The following CHD5 variants were observed in gnomAD, a reference collection of about 807,000 sequenced individuals.
CHD5 encodes the protein ATP-dependent chromatin remodeler CHD5.
In CHD5, 69 loss-of-function variants were observed where a neutral mutation model predicts 230.3. The ratio of observed to expected loss-of-function variants is 0.30; its 90% CI spans 0.25 to 0.37. The LOEUF (loss-of-function observed/expected upper bound fraction) is 0.37, where lower values mean the gene tolerates loss of function less well. Ranked by LOEUF, CHD5 falls within the 10% of genes least tolerant of loss-of-function variation. The pLI is 1.00. For missense variants in CHD5, 1,827 were observed against 2,622.8 expected, an observed-to-expected ratio of 0.70 and a Z score of 6.63; for synonymous variants, 1,064 against 1,065.9, an observed-to-expected ratio of 1.00 and a Z score of 0.03.
In CHD5 at chr1:6,124,697, G is replaced by A. The variant is rs909159353; in HGVS notation, c.4395-36C>T. ...GGGGGGGGACTGGGGCTCAGGGAGT[G>A]GGGGGCCGGCAAGAACCCTCTGAGA... On this transcript the variant is annotated intron_variant, in intron 29 of 41. Coordinates refer to ENST00000262450, the MANE Select transcript of CHD5 (RefSeq NM_015557.3). The A allele has an allele frequency of 3.3e-5, 42 of 1,264,250 alleles. No homozygotes were observed. The Admixed American group carries it at 3.7e-4, about 11-fold the overall frequency. 78.3% of individuals were successfully genotyped at this position (1,264,250 alleles called of 1,614,324 possible). A position where few individuals can be genotyped will look rare whatever the true frequency, so the allele number is the denominator to read the frequency against.
chr1:6,127,986 G>A, intron 25 of CHD5, 60 bp downstream of exon 25: 1 of 1,370,610 alleles, frequency 7.3e-7, no homozygotes, highest in Non-Finnish European at 9.7e-7. Context: ...GGACACAGTG[G>A]GGGGCGGGGC....
intron 36 of CHD5, 73 bp from the exon 37 acceptor site, chr1:6,110,599 A>C: frequency 3.6e-5 from 14 of 389,036 alleles, no homozygotes; most frequent in East Asian, 1.3e-4. Context: ...CAGCTCAGGG[A>C]GGGGGAGGGG....
intron 6 of CHD5, 146 bp from the exon 7 acceptor site, chr1:6,151,301 A>G: frequency 1.1e-6 from 1 of 934,646 alleles, no homozygotes; most frequent in African/African-American, 1.7e-5. Context: ...AACACAGCTG[A>G]AAACCTCACA....
At chr1:6,127,627 T>G (rs1007202802) in intron 25 of CHD5, among the ~76,000 whole-genome samples, 2 of 151,990 alleles carry the variant, frequency 1.3e-5, no homozygotes, top group Non-Finnish European at 2.9e-5. Flanking sequence ...CAGGGCTCTG[T>G]GCAACGGGGT....
In CHD5 at chr1:6,124,623, G is replaced by A. The variant is rs1197654187; in HGVS notation, c.4433C>T (p.Pro1478Leu). The A allele has an allele frequency of 2.2e-6, 3 of 1,392,152 alleles. No individual in the cohort carries two copies. Among genetic ancestry groups the A allele is most frequent in the Non-Finnish European group, 2.9e-6 (3 of 1,044,434 alleles). 86.2% of individuals were successfully genotyped at this position (1,392,152 alleles called of 1,614,324 possible). A position where few individuals can be genotyped will look rare whatever the true frequency, so the allele number is the denominator to read the frequency against. The change falls in exon 30 of 42, where the codon CCG (proline) becomes CTG (leucine). Residue 1478 changes from proline to leucine, a missense_variant. Around this residue, in one of 14 missense-constraint regions of CHD5, gnomAD observed 108 missense variants for 152.4 expected, o/e 0.71. Coordinates refer to ENST00000262450, the MANE Select transcript of CHD5 (RefSeq NM_015557.3). The stretch of plus-strand genomic sequence containing the variant: ...GAAGGTCTCTGCACCATCCGCCCCC[G>A]GCTCACACAGGTGCCGCATGAAGAG... ...VSLFMRHLCE[P>L]GADGAETFAD...
chr1:6,143,765 T>C lies in CHD5; in HGVS notation c.2043+58A>G. 12 of 1,465,192 alleles carry C rather than the reference T, an allele frequency of 8.2e-6. No individual in the cohort carries two copies. The Admixed American group carries it at 2.0e-4, about 25-fold the overall frequency. 90.8% of individuals were successfully genotyped at this position (1,465,192 alleles called of 1,614,324 possible). On this transcript the variant is annotated intron_variant, in intron 13 of 41. Transcript: ENST00000262450. Reference sequence around the variant, plus strand: ...AACACACACCCCCTGCACATTCAAGTCTGAGGTGGGCAGGCCCTGGCAACC... The same window carrying C: ...AACACACACCCCCTGCACATTCAAGCCTGAGGTGGGCAGGCCCTGGCAACC...
At position 6,126,944 on chromosome 1, in the gene CHD5, A is replaced by G; in HGVS notation, c.3904-198T>C. On this transcript the variant is annotated intron_variant, in intron 25 of 41. Transcript: ENST00000262450. The surrounding 1 kb of genome is among the most constrained non-coding windows in gnomAD (Gnocchi z 5.7). ...TCTCCCTGCCCCTATCCAGTCAATC[A>G]TTTACTTATTCATCCATCCATTCAC... The G allele has an allele frequency of 1.7e-6, 1 of 591,504 alleles. No individual in the cohort carries two copies. Among genetic ancestry groups the G allele is most frequent in the Middle Eastern group, 4.4e-4 (1 of 2,272 alleles). 36.6% of individuals were successfully genotyped at this position (591,504 alleles called of 1,614,324 possible). A position where few individuals can be genotyped will look rare whatever the true frequency, so the allele number is the denominator to read the frequency against.
In CHD5 at chr1:6,131,524, G is replaced by A. The variant is rs1336754138; in HGVS notation, c.3262+107C>T. On this transcript the variant is annotated intron_variant, in intron 21 of 41. Coordinates refer to ENST00000262450, the MANE Select transcript of CHD5 (RefSeq NM_015557.3). This position sits in a 1 kb window ranked among gnomAD's most constrained non-coding sequence, Gnocchi z 5.0. ...TGGCCTGCTGTCTTTAGCTGTTTGT[G>A]AGGCTGCTCAACACAACACCAGCTG... 2 of 671,904 alleles carry A rather than the reference G, an allele frequency of 3.0e-6. No homozygotes were observed. Among genetic ancestry groups the A allele is most frequent in the Non-Finnish European group, 5.4e-6 (2 of 368,738 alleles). The allele number at this position is 671,904 out of a possible 1,614,324, so 41.6% of individuals were successfully genotyped here.
Position 6,128,633 on chromosome 1 carries a change from C to T in CHD5, c.3620-24G>A, listed in dbSNP as rs1666602492. On this transcript the variant is annotated intron_variant, in intron 23 of 41. Coordinates refer to ENST00000262450, the MANE Select transcript of CHD5 (RefSeq NM_015557.3). The surrounding 1 kb of genome is among the most constrained non-coding windows in gnomAD (Gnocchi z 7.8). ...GCCTGTCAGACAGAGAAGGAAAGCACTGGTGCAGGACCACAGAGGGCTGCA... is the reference window on the plus strand; with the variant it reads ...GCCTGTCAGACAGAGAAGGAAAGCATTGGTGCAGGACCACAGAGGGCTGCA... 3.2e-6 allele frequency: 5 copies of T among 1,582,708 alleles called. No individual in the cohort carries two copies. The African/African-American group carries it at 5.4e-5, about 17-fold the overall frequency.
rs1434010229 is a variant in CHD5, at chr1:6,126,749, G to A, written c.3904-3C>T. 9 of 1,612,578 alleles carry A rather than the reference G, an allele frequency of 5.6e-6. No individual in the cohort carries two copies. The highest frequency in any genetic ancestry group is 7.6e-6 in the Non-Finnish European group (9 of 1,179,128). ...ATGATTTCCCGCTCCACCTCCTCCT[G>A]GGGACGCAGCACCACGGGTTCCATG... On this transcript the variant is annotated splice_region_variant and splice_polypyrimidine_tract_variant and intron_variant, in intron 25 of 41. Transcript: ENST00000262450. The surrounding 1 kb of genome is among the most constrained non-coding windows in gnomAD (Gnocchi z 5.7).
intron 1 of CHD5, among the ~76,000 whole-genome samples, chr1:6,176,468 G>T (rs763974398): frequency 2.0e-5 from 3 of 152,186 alleles, no homozygotes; most frequent in Non-Finnish European, 4.4e-5. Context: ...TAAGAGGGCT[G>T]AGAGCCACAT....
intron 34 of CHD5, 123 bp from the exon 35 acceptor site, chr1:6,112,400 C>T (rs1666306745): frequency 1.6e-6 from 2 of 1,231,124 alleles, no homozygotes; most frequent in Non-Finnish European, 2.3e-6. Context: ...CCTCAGGGGA[C>T]TCGCTGCCCA....
rs1467924521 is a variant in CHD5 at position 6,121,189 on chromosome 1, T to C, written c.4828A>G (p.Ser1610Gly). The change falls in exon 33 of 42, where the codon AGC becomes GGC. Residue 1610 changes from serine (S) to glycine (G), a missense_variant. This residue lies in a region of CHD5 where 272 missense variants were observed against 263.2 expected (regional missense o/e 1.03). Coordinates refer to ENST00000262450, the MANE Select transcript of CHD5 (RefSeq NM_015557.3). The surrounding 1 kb of genome is among the most constrained non-coding windows in gnomAD (Gnocchi z 4.5). ...DRVESEDKHE[S>G]PASKERAREE... ...CGGGCTCTCTCCTTGCTGGCTGGGC[T>C]CTCGTGCTTGTCCTCACTCTCCACT... The C allele has an allele frequency of 1.2e-6, 2 of 1,613,798 alleles. No homozygotes were observed. Among genetic ancestry groups the C allele is most frequent in the Admixed American group, 3.3e-5 (2 of 59,984 alleles).
Position 6,125,042 on chromosome 1 carries a change from A to G in CHD5, c.4394+58T>C. ...GCCCTCTGTGGGGCTCACCCGCAGGACCCTGCCCTACTCAGGGGCAGGTGG... is the reference window on the plus strand; with the variant it reads ...GCCCTCTGTGGGGCTCACCCGCAGGGCCCTGCCCTACTCAGGGGCAGGTGG... On this transcript the variant is annotated intron_variant, in intron 29 of 41. Transcript: ENST00000262450. This position sits in a 1 kb window ranked among gnomAD's most constrained non-coding sequence, Gnocchi z 6.7. The G allele has an allele frequency of 3.4e-6, 5 of 1,461,382 alleles. No individual in the cohort carries two copies. Among genetic ancestry groups the G allele is most frequent in the Non-Finnish European group, 4.6e-6 (5 of 1,093,834 alleles). 90.5% of individuals were successfully genotyped at this position (1,461,382 alleles called of 1,614,324 possible). A position where few individuals can be genotyped will look rare whatever the true frequency, so the allele number is the denominator to read the frequency against.
intron 33 of CHD5, among the ~76,000 whole-genome samples, chr1:6,120,279 C>T (rs1666447913): frequency 1.3e-5 from 2 of 152,106 alleles, no homozygotes; most frequent in Admixed American, 6.6e-5. Context: ...TTTCAACAAC[C>T]TCATATAGAC....
In CHD5 at chr1:6,110,020, C is replaced by T. The variant is rs1183215481; in HGVS notation, c.5383-30G>A. On this transcript the variant is annotated intron_variant, in intron 37 of 41. Coordinates refer to ENST00000262450, the MANE Select transcript of CHD5 (RefSeq NM_015557.3). ...GGGCGGGGCGCAGCGTCGGCCCGGC[C>T]CCTCCCGCTGAATGGCTACCCTCCG... 2.0e-6 allele frequency: 3 copies of T among 1,490,368 alleles called. No individual in the cohort carries two copies. In the Admixed American group the frequency reaches 7.6e-5, roughly 38 times the overall value. The allele number at this position is 1,490,368 out of a possible 1,614,324, so 92.3% of individuals were successfully genotyped here.
rs150935805 is a variant in CHD5 at position 6,103,592 on chromosome 1, G to T, written c.*1882C>A. Reference sequence around the variant, plus strand: ...GGGCACGGGAGTGAGCTTCTGACCCGAGCCAGGACCCTTTGCCAGGAGGCA... The same window carrying T: ...GGGCACGGGAGTGAGCTTCTGACCCTAGCCAGGACCCTTTGCCAGGAGGCA... On this transcript the variant is annotated 3_prime_UTR_variant, in exon 42 of 42. Coordinates refer to ENST00000262450, the MANE Select transcript of CHD5 (RefSeq NM_015557.3). The T allele has an allele frequency of 6.6e-6, 1 of 152,272 alleles. No homozygotes were observed. The allele number at this position is 152,272 out of a possible 1,614,324, so 9.4% of individuals were successfully genotyped here. A position where few individuals can be genotyped will look rare whatever the true frequency, so the allele number is the denominator to read the frequency against.
Position 6,103,259 on chromosome 1 carries a change from G to C in CHD5, c.*2215C>G, listed in dbSNP as rs1481553004. 1 of 152,604 alleles carries C rather than the reference G, an allele frequency of 6.6e-6. No individual in the cohort carries two copies. Among genetic ancestry groups the C allele is most frequent in the African/African-American group, 2.4e-5 (1 of 41,476 alleles). 9.5% of individuals were successfully genotyped at this position (152,604 alleles called of 1,614,324 possible). A position where few individuals can be genotyped will look rare whatever the true frequency, so the allele number is the denominator to read the frequency against. ...CCCCTTCTGGACCAGGCAGTGCAGG[G>C]GGCCCAGGCCCAAAGGAGCCCTGGC... On this transcript the variant is annotated 3_prime_UTR_variant, in exon 42 of 42. Transcript: ENST00000262450.
chr1:6,110,193 G>A (rs1370542932), intron 37 of CHD5, among the ~76,000 whole-genome samples: 1 of 152,220 alleles, frequency 6.6e-6, no homozygotes, highest in Non-Finnish European at 1.5e-5. Context: ...AACACCCCAA[G>A]GCGGCAGATA....
Sources: allele counts gnomAD v4.1 joint callset (sites outside exome capture counted in the v4.1 genomes callset), GRCh38; gene constraint gnomAD v4.1.1; regional missense constraint gnomAD v4.1.1; non-coding constraint Gnocchi (gnomAD v3.1); transcripts MANE v1.5; gene names NCBI Gene and HGNC (gene_info 2026-07-23, HGNC 2026-07-21).